Variants in MAPRE3 observed in about 807,000 individuals in gnomAD.
The protein encoded by MAPRE3 is microtubule-associated protein RP/EB family member 3.
MAPRE3 carries 2 observed loss-of-function variants against 30.5 expected under a neutral mutation model. That is an observed-to-expected ratio of 0.07 (90% CI 0.03 to 0.21). The LOEUF (loss-of-function observed/expected upper bound fraction) is 0.21. Among genes scored for constraint, MAPRE3 ranks in the 10% least tolerant of loss-of-function variants. The probability of loss-of-function intolerance (pLI) is 1.00; values close to 1 mark genes in which losing one functional copy is unlikely to be tolerated. For synonymous variants in MAPRE3, 110 were observed against 127.7 expected (o/e 0.86, Z 0.93); for missense variants, 204 against 351.8 (o/e 0.58, Z 3.36).
At chr2:27,002,299 C>T (rs765998910) in intron 1 of MAPRE3, among the ~76,000 whole-genome samples, 7 of 152,038 alleles carry the variant, frequency 4.6e-5, no homozygotes, top group Non-Finnish European at 2.9e-5. Context: ...TCCAGTTTTT[C>T]ATTATTGTAA....
chr2:26,992,973 C>T (rs754029308), intron 1 of MAPRE3, among the ~76,000 whole-genome samples: 1 of 152,192 alleles, frequency 6.6e-6, no homozygotes. Context: ...CTGCTACTTT[C>T]CCTAGTTTCA....
chr2:26,992,431 A>T (rs1437382597), intron 1 of MAPRE3, among the ~76,000 whole-genome samples: 2 of 151,796 alleles, frequency 1.3e-5, no homozygotes, highest in Non-Finnish European at 2.9e-5. Context: ...CTCCACATTG[A>T]TCAGGCTGGT....
intron 1 of MAPRE3, among the ~76,000 whole-genome samples, chr2:26,998,499 G>C (rs550363327): frequency 1.2e-4 from 18 of 152,272 alleles, no homozygotes; most frequent in African/African-American, 4.3e-4. Flanking sequence ...AATCAGTTCT[G>C]TTCTCACTGG....
intron 1 of MAPRE3, among the ~76,000 whole-genome samples, chr2:26,973,554 T>TG (rs1268485534): frequency 6.6e-6 from 1 of 151,080 alleles, no homozygotes; most frequent in Non-Finnish European, 1.5e-5. Flanking sequence ...TAGTTTTTTT[T>TG]TTTTTTTTTT....
At chr2:26,995,090 T>G (rs534807136) in intron 1 of MAPRE3, among the ~76,000 whole-genome samples, 2 of 152,280 alleles carry the variant, frequency 1.3e-5, no homozygotes, top group East Asian at 1.9e-4. Flanking sequence ...TAGTAAATAT[T>G]GTATGCTTTG....
At chr2:27,010,560 A>G (rs967842586) in intron 1 of MAPRE3, among the ~76,000 whole-genome samples, 1 of 146,698 alleles carries the variant, frequency 6.8e-6, no homozygotes, top group Non-Finnish European at 1.5e-5. Flanking sequence ...ATCCTATCTC[A>G]GCCTCCCAAG....
In MAPRE3 at chr2:27,023,320, C is replaced by T. The variant is rs1667151654; in HGVS notation, c.122-12C>T. The T allele has an allele frequency of 1.3e-6, 2 of 1,592,202 alleles. No individual in the cohort carries two copies. Among genetic ancestry groups the T allele is most frequent in the South Asian group, 2.2e-5 (2 of 90,086 alleles). ...GCAGCAAGACCCCTCAGCCAGCCAT[C>T]CTTCTCCACAGGGGCAGCCTACTGC... On this transcript the variant is annotated splice_polypyrimidine_tract_variant and intron_variant, in intron 2 of 6. Transcript: ENST00000233121.
At chr2:27,009,715 A>G (rs915324734) in intron 1 of MAPRE3, 2 of 152,184 alleles carry the variant, frequency 1.3e-5, no homozygotes, top group African/African-American at 2.4e-5. Flanking sequence ...TGACTCTGGG[A>G]TGAGCTACTT....
intron 1 of MAPRE3, among the ~76,000 whole-genome samples, chr2:27,017,103 G>A (rs755361481): frequency 2.0e-5 from 3 of 152,166 alleles, no homozygotes; most frequent in Non-Finnish European, 4.4e-5. Context: ...AAATTAAAAG[G>A]GCATCCTGCC....
chr2:27,013,285 C>T (rs922842785), intron 1 of MAPRE3: 4 of 152,204 alleles, frequency 2.6e-5, no homozygotes, highest in Admixed American at 1.3e-4. Context: ...GTTCCACTCT[C>T]GGAACCATCT....
intron 1 of MAPRE3, chr2:27,013,568 T>C (rs1315987632): frequency 1.3e-5 from 2 of 152,186 alleles, no homozygotes; most frequent in African/African-American, 4.8e-5. Context: ...TCCCATTCAT[T>C]CATTCATTCA....
intron 1 of MAPRE3, among the ~76,000 whole-genome samples, chr2:26,971,313 C>T (rs1665911898): frequency 6.6e-6 from 1 of 152,264 alleles, no homozygotes; most frequent in East Asian, 1.9e-4. Flanking sequence ...CTTCCCCACA[C>T]GCTCCTGCCT....
chr2:26,990,311 C>T (rs1666312008), intron 1 of MAPRE3, among the ~76,000 whole-genome samples: 1 of 152,222 alleles, frequency 6.6e-6, no homozygotes, highest in African/African-American at 2.4e-5. Context: ...GCTCTCCCCG[C>T]TCCCTGAGCC....
At chr2:26,975,236 G>C (rs1665992323) in intron 1 of MAPRE3, among the ~76,000 whole-genome samples, 1 of 152,136 alleles carries the variant, frequency 6.6e-6, no homozygotes, top group South Asian at 2.1e-4. Context: ...TTGCTTGTGA[G>C]GGACACACAT....
chr2:26,975,392 T>G (rs914750033), intron 1 of MAPRE3, among the ~76,000 whole-genome samples: 2 of 151,694 alleles, frequency 1.3e-5, no homozygotes, highest in African/African-American at 4.8e-5. Context: ...TGAGCAGAGG[T>G]AAAGGGAGGT....
intron 1 of MAPRE3, among the ~76,000 whole-genome samples, chr2:27,000,653 G>T (rs1572756823): frequency 2.0e-5 from 3 of 152,340 alleles, no homozygotes; most frequent in African/African-American, 7.2e-5. Context: ...GGGAAGCAAG[G>T]CCCATGACCA....
chr2:27,015,980 G>A lies in MAPRE3; in HGVS notation c.-7-6232G>A, dbSNP rs1240525908. 1.3e-5 allele frequency among the ~76,000 whole-genome samples: 2 copies of A among 152,192 alleles called. No individual in the cohort carries two copies. The highest frequency in any genetic ancestry group is 2.4e-5 in the African/African-American group (1 of 41,444). On this transcript the variant is annotated intron_variant, in intron 1 of 6. Coordinates refer to ENST00000233121, the MANE Select transcript of MAPRE3 (RefSeq NM_012326.4). This position sits in a 1 kb window ranked among gnomAD's most constrained non-coding sequence, Gnocchi z 4.0. ...GTAATTGCCTTTCCCAGTTGCCTGT[G>A]AATGCACCATGAACCTTACAGTCCT...
intron 1 of MAPRE3, among the ~76,000 whole-genome samples, chr2:26,988,382 G>T (rs1666262472): frequency 6.6e-6 from 1 of 152,148 alleles, no homozygotes; most frequent in Non-Finnish European, 1.5e-5. Flanking sequence ...TTTTAAAAAT[G>T]TTGGCAGAAG....
intron 1 of MAPRE3, among the ~76,000 whole-genome samples, chr2:26,991,801 T>C (rs1666350154): frequency 6.6e-6 from 1 of 152,186 alleles, no homozygotes; most frequent in African/African-American, 2.4e-5. Context: ...GACTCCAAAT[T>C]GGGCCAGATG....
Sources: gnomAD v4.1 joint callset for allele counts (sites outside exome capture counted in the v4.1 genomes callset) on GRCh38, gnomAD v4.1.1 for gene constraint, Gnocchi (gnomAD v3.1) non-coding constraint, MANE v1.5 for transcripts, NCBI Gene and HGNC (gene_info 2026-07-23, HGNC 2026-07-21) for gene names.